Variants in IQANK1 observed in about 807,000 individuals in gnomAD.
IQANK1 encodes IQ motif and ankyrin repeat containing 1, also known as IQ motif and ankyrin repeat domain-containing protein 1.
A neutral mutation model predicts 22.6 loss-of-function variants in IQANK1; 30 were observed. That is an observed-to-expected ratio of 1.33 (90% CI 0.99 to 1.80). IQANK1 has a LOEUF of 1.80. Among genes scored for constraint, IQANK1 ranks in the 40% most tolerant of loss-of-function variants. The pLI, the probability that IQANK1 is intolerant of heterozygous loss-of-function variation, is 0.00. For synonymous variants in IQANK1, 122 were observed against 99.6 expected, an observed-to-expected ratio of 1.23 and a Z score of -1.34; for missense variants, 275 against 235.2, an observed-to-expected ratio of 1.17 and a Z score of -1.11.
intron 7 of IQANK1, among the ~76,000 whole-genome samples, chr8:143,783,362 A>G (rs188373641): frequency 2.6e-5 from 4 of 152,200 alleles, no homozygotes; most frequent in Admixed American, 6.5e-5. Context: ...ACTCTTAGGC[A>G]TATTAGCCCC....
rs906977301 is a variant in IQANK1, at chr8:143,735,841, A to C, written c.-4-9A>C. 1 of 700,520 alleles carries C rather than the reference A, an allele frequency of 1.4e-6. No individual in the cohort carries two copies. The highest frequency in any genetic ancestry group is 2.0e-5 in the Admixed American group (1 of 49,800). 43.4% of individuals were successfully genotyped at this position (700,520 alleles called of 1,614,324 possible). ...CCCTCTCCCTGGTCCTTCCCTACCC[A>C]CCCCCCAGGAGAATGGACAGTAAGA... On this transcript the variant is annotated splice_polypyrimidine_tract_variant and intron_variant, in intron 1 of 13. Coordinates refer to ENST00000527139, the MANE Select transcript of IQANK1 (RefSeq NM_001381874.1). The surrounding 1 kb of genome is among the most constrained non-coding windows in gnomAD (Gnocchi z 5.2).
At chr8:143,757,056 G>A (rs1554628542) in intron 3 of IQANK1, among the ~76,000 whole-genome samples, 1 of 152,120 alleles carries the variant, frequency 6.6e-6, no homozygotes, top group African/African-American at 2.4e-5. Flanking sequence ...TTTTCTTACT[G>A]GGTTTCTCCA....
chr8:143,749,537 T>C (rs1341496473), intron 3 of IQANK1, among the ~76,000 whole-genome samples: 3 of 136,656 alleles, frequency 2.2e-5, no homozygotes, highest in Non-Finnish European at 4.6e-5. Flanking sequence ...CATAAAAATA[T>C]ATGATATATA....
chr8:143,780,713 A>T (rs576819369), intron 7 of IQANK1, among the ~76,000 whole-genome samples: 14 of 152,036 alleles, frequency 9.2e-5, no homozygotes, highest in African/African-American at 3.4e-4. Context: ...CATTTTCTTT[A>T]TCTTGTCTGT....
intron 3 of IQANK1, chr8:143,742,559 G>A (rs1434937073): frequency 3.5e-5 from 16 of 456,120 alleles, no homozygotes; most frequent in Admixed American, 7.0e-5. Flanking sequence ...GATGGCTGCT[G>A]GGCTGCCCAG....
chr8:143,789,563 GTCC>G (rs1819976131), intron 10 of IQANK1, 35 bp downstream of exon 10: 9 of 1,232,028 alleles, frequency 7.3e-6, no homozygotes, highest in Non-Finnish European at 9.1e-6. Context: ...ATGCCCCTGC[GTCC>G]TCAACACCCC....
intron 2 of IQANK1, among the ~76,000 whole-genome samples, chr8:143,736,833 C>T (rs1437502202): frequency 6.7e-6 from 1 of 149,874 alleles, no homozygotes; most frequent in Non-Finnish European, 1.5e-5. Flanking sequence ...CTCCCTTGCT[C>T]CAGCTCCCAT....
intron 3 of IQANK1, chr8:143,745,250 C>G (rs557135155): frequency 6.6e-6 from 1 of 152,326 alleles, no homozygotes; most frequent in African/African-American, 2.4e-5. Context: ...TGACGTGTCT[C>G]TGATCATACT....
chr8:143,743,188 C>G, intron 3 of IQANK1: 1 of 373,560 alleles, frequency 2.7e-6, no homozygotes, highest in Non-Finnish European at 5.3e-6. Flanking sequence ...CCACTTCTGC[C>G]TCCCTCTTCC....
intron 2 of IQANK1, among the ~76,000 whole-genome samples, chr8:143,736,795 C>A (rs797035863): frequency 1.3e-5 from 2 of 152,114 alleles, no homozygotes; most frequent in Non-Finnish European, 2.9e-5. Context: ...TACCCTCCCC[C>A]ACCCCAGCCC....
At chr8:143,752,619 TATA>T (rs1554628166) in intron 3 of IQANK1, among the ~76,000 whole-genome samples, 1 of 152,202 alleles carries the variant, frequency 6.6e-6, no homozygotes, top group East Asian at 1.9e-4. Flanking sequence ...CCTCAAAGAT[TATA>T]ATACTGTATT....
intron 3 of IQANK1, among the ~76,000 whole-genome samples, chr8:143,751,650 G>GTATATATATATATATATA (rs1223222979): frequency 3.6e-5 from 1 of 27,864 alleles, no homozygotes; most frequent in Admixed American, 5.3e-4. Flanking sequence ...GTGTGTGTGT[G>GTATATATATATATATATA]TGTGTGTGTG....
At chr8:143,745,586 C>G (rs1286158216) in intron 3 of IQANK1, 3 of 152,162 alleles carry the variant, frequency 2.0e-5, no homozygotes, top group Admixed American at 6.5e-5. Flanking sequence ...CCATGCCCAG[C>G]TAATTTTTGT....
At chr8:143,761,443 A>G (rs1819396333) in intron 3 of IQANK1, among the ~76,000 whole-genome samples, 1 of 152,210 alleles carries the variant, frequency 6.6e-6, no homozygotes, top group Non-Finnish European at 1.5e-5. Context: ...TAATATATTT[A>G]TCTGTTTTTG....
chr8:143,749,872 T>G (rs1300432511), intron 3 of IQANK1, among the ~76,000 whole-genome samples: 1 of 151,718 alleles, frequency 6.6e-6, no homozygotes, highest in Non-Finnish European at 1.5e-5. Flanking sequence ...CTGCTTCATA[T>G]ATTTTGATGA....
rs549975489 is a variant in IQANK1, at chr8:143,790,091, G to A, written c.1289+27G>A. 1.7e-4 allele frequency: 210 copies of A among 1,232,120 alleles called. 1 individual carries two copies. The African/African-American group carries it at 2.9e-3, about 17-fold the overall frequency. 76.3% of individuals were successfully genotyped at this position (1,232,120 alleles called of 1,614,324 possible). A position where few individuals can be genotyped will look rare whatever the true frequency, so the allele number is the denominator to read the frequency against. ...TCAGTTCTCCGGGCCAGACGTGGGC[G>A]ATTTGGGGTTTGGACAGACAGCAGT... On this transcript the variant is annotated intron_variant, in intron 12 of 13. Coordinates refer to ENST00000527139, the MANE Select transcript of IQANK1 (RefSeq NM_001381874.1).
At chr8:143,736,601 C>T (rs1161467520) in intron 2 of IQANK1, among the ~76,000 whole-genome samples, 2 of 152,088 alleles carry the variant, frequency 1.3e-5, no homozygotes, top group Non-Finnish European at 2.9e-5. Context: ...GGTTTGAGTC[C>T]AAGTTGGGGA....
In IQANK1 at chr8:143,735,738, C is replaced by T. The variant is rs1039064576; in HGVS notation, c.-4-112C>T. ...GGAAGCCTCAGGGGAGCCCATGTTC[C>T]TGCTGTCATCCACTCAGGCGCCCAT... On this transcript the variant is annotated intron_variant, in intron 1 of 13. Transcript: ENST00000527139. This position sits in a 1 kb window ranked among gnomAD's most constrained non-coding sequence, Gnocchi z 5.2. 18 of 648,104 alleles carry T rather than the reference C, an allele frequency of 2.8e-5. No homozygotes were observed. Among genetic ancestry groups the T allele is most frequent in the South Asian group, 1.0e-4 (6 of 59,144 alleles). The allele number at this position is 648,104 out of a possible 1,614,324, so 40.1% of individuals were successfully genotyped here.
At chr8:143,781,247 G>C (rs974449386) in intron 7 of IQANK1, among the ~76,000 whole-genome samples, 3 of 152,168 alleles carry the variant, frequency 2.0e-5, no homozygotes, top group African/African-American at 7.2e-5. Flanking sequence ...ATAGTTTGCA[G>C]ATATGCTCTC....
Sources: gnomAD v4.1 joint callset for allele counts (sites outside exome capture counted in the v4.1 genomes callset) on GRCh38, gnomAD v4.1.1 for gene constraint, Gnocchi (gnomAD v3.1) non-coding constraint, MANE v1.5 for transcripts, NCBI Gene and HGNC (gene_info 2026-07-23, HGNC 2026-07-21) for gene names.